Variants in MBIP observed in about 807,000 individuals in gnomAD.
MBIP encodes the protein MAP3K12-binding inhibitory protein 1.
MBIP carries 32 observed loss-of-function variants against 45.7 expected under a neutral mutation model. The observed-to-expected ratio is 0.70, with a 90% CI of 0.53 to 0.94. The LOEUF (loss-of-function observed/expected upper bound fraction) is 0.94, where lower values mean the gene tolerates loss of function less well. Among genes scored for constraint, MBIP ranks in the 40% least tolerant of loss-of-function variants. The probability of loss-of-function intolerance (pLI) is 0.00; values close to 1 mark genes in which losing one functional copy is unlikely to be tolerated. For missense variants in MBIP, 381 were observed against 405.5 expected, an observed-to-expected ratio of 0.94 and a Z score of 0.52; for synonymous variants, 145 against 141.0, an observed-to-expected ratio of 1.03 and a Z score of -0.20.
intron 2 of MBIP, among the ~76,000 whole-genome samples, chr14:36,315,223 CAT>C (rs1880496974): frequency 6.6e-6 from 1 of 152,112 alleles, no homozygotes; most frequent in Admixed American, 6.6e-5. Flanking sequence ...TTCTGTCACT[CAT>C]CTTTTATTTT....
intron 2 of MBIP, among the ~76,000 whole-genome samples, chr14:36,315,977 C>T (rs1880544335): frequency 6.6e-6 from 1 of 152,050 alleles, no homozygotes; most frequent in Non-Finnish European, 1.5e-5. Flanking sequence ...ACATTTTACA[C>T]TTTGATTAGA....
rs1880261455 is a variant in MBIP, at chr14:36,312,343, T to C, written c.572-319A>G. Among the ~76,000 whole-genome samples, 4 of 152,130 alleles carry C rather than the reference T, an allele frequency of 2.6e-5. No individual in the cohort carries two copies. The South Asian group carries it at 8.3e-4, about 31-fold the overall frequency. On this transcript the variant is annotated intron_variant, in intron 4 of 8. Coordinates refer to ENST00000416007, the MANE Select transcript of MBIP (RefSeq NM_016586.3). ...GGCCACTGGAGAAAATAATCTACCA[T>C]AGAGTATTTAAATTCTACTTCATCG... is the stretch of plus-strand genomic sequence containing the variant.
At chr14:36,299,352 G>A (rs1469885309) in intron 8 of MBIP, among the ~76,000 whole-genome samples, 162 bp from the exon 9 acceptor site, 1 of 151,618 alleles carries the variant, frequency 6.6e-6, no homozygotes, top group Non-Finnish European at 1.5e-5. Context: ...TATATATGTT[G>A]ACTATATCAT....
intron 8 of MBIP, among the ~76,000 whole-genome samples, chr14:36,299,986 C>T (rs1191007456): frequency 6.6e-6 from 1 of 152,064 alleles, no homozygotes; most frequent in Non-Finnish European, 1.5e-5. Context: ...ATGTTCTAGA[C>T]TTAGTGGTGA....
At chr14:36,320,412 A>G in intron 1 of MBIP, 48 bp downstream of exon 1, 1 of 1,612,468 alleles carries the variant, frequency 6.2e-7, no homozygotes. Flanking sequence ...AATGGCGAGG[A>G]GGGACCGGAT....
chr14:36,300,646 T>C (rs1879485505), intron 8 of MBIP, 139 bp downstream of exon 8: 2 of 562,798 alleles, frequency 3.6e-6, no homozygotes, highest in South Asian at 5.7e-5. Context: ...CTGTATTAGT[T>C]TATACTGCCC....
At position 36,314,640 on chromosome 14, in the gene MBIP, T is replaced by C. The variant is rs114544697; in HGVS notation, c.475-32A>G. On this transcript the variant is annotated intron_variant, in intron 3 of 8. Coordinates refer to ENST00000416007, the MANE Select transcript of MBIP (RefSeq NM_016586.3). ...ACAACAAGTTTTAACAGTGTAAACA[T>C]AAGATTTTTTAAAATAATACCCTCT... The C allele has an allele frequency of 9.0e-4, 1,449 of 1,605,426 alleles. 16 individuals are homozygous for C. In the African/African-American group the frequency reaches 0.017, roughly 19 times the overall value.
chr14:36,314,272 C>T (rs1274292282), intron 4 of MBIP: 2 of 400,440 alleles, frequency 5.0e-6, no homozygotes, highest in Non-Finnish European at 8.9e-6. Context: ...AAATAATCTT[C>T]ACCTGTGATA....
At chr14:36,304,137 G>A (rs1879735731) in intron 7 of MBIP, among the ~76,000 whole-genome samples, 1 of 152,108 alleles carries the variant, frequency 6.6e-6, no homozygotes, top group African/African-American at 2.4e-5. Flanking sequence ...ACGTTCACAC[G>A]CACATGGCCT....
At chr14:36,303,603 T>C (rs1879701295) in intron 7 of MBIP, among the ~76,000 whole-genome samples, 1 of 152,218 alleles carries the variant, frequency 6.6e-6, no homozygotes, top group South Asian at 2.1e-4. Flanking sequence ...TACCATACTA[T>C]AATTTTATGG....
chr14:36,314,900 G>A lies in MBIP; in HGVS notation c.265C>T (p.Leu89Phe). ...ILYLQPFLAK[L>F]QSPIKEENTT... The stretch of plus-strand genomic sequence containing the variant: ...TTCTCCTCTTTAATCGGAGACTGAA[G>A]TTTTGCTAAAAAAGGCTGAGAACAA... Residue 89 changes from leucine (L) to phenylalanine (F), a missense_variant, in exon 3 of 9, where the codon CTT becomes TTT. Physicochemically the swap from Leu to Phe is conservative, Grantham distance 22. Transcript: ENST00000416007. 1 of 1,612,280 alleles carries A rather than the reference G, an allele frequency of 6.2e-7. No individual in the cohort carries two copies. The highest frequency in any genetic ancestry group is 8.5e-7 in the Non-Finnish European group (1 of 1,178,804).
intron 7 of MBIP, among the ~76,000 whole-genome samples, chr14:36,304,794 T>C (rs1879774211): frequency 6.6e-6 from 1 of 152,214 alleles, no homozygotes; most frequent in Admixed American, 6.5e-5. Context: ...GACATCTTTT[T>C]TCCCCATAAA....
rs565248767 is a variant in MBIP at position 36,308,357 on chromosome 14, A to G, written c.791-168T>C. ...TGAAGTCCTTAGGTCGTATTTTTGTATTATACACTATCGGACATATTGTAC... is the reference window on the plus strand; with the variant it reads ...TGAAGTCCTTAGGTCGTATTTTTGTGTTATACACTATCGGACATATTGTAC... On this transcript the variant is annotated intron_variant, in intron 6 of 8. Transcript: ENST00000416007. Among the ~76,000 whole-genome samples the G allele has an allele frequency of 7.9e-5, 12 of 152,338 alleles. No homozygotes were observed. The East Asian group carries it at 2.3e-3, about 29-fold the overall frequency.
intron 8 of MBIP, 64 bp downstream of exon 8, chr14:36,300,721 A>C: frequency 8.1e-7 from 1 of 1,232,060 alleles, no homozygotes. Flanking sequence ...AACTTTTATT[A>C]ATAAGAAAGG....
At chr14:36,308,421 A>G (rs1238525226) in intron 6 of MBIP, among the ~76,000 whole-genome samples, 2 of 152,182 alleles carry the variant, frequency 1.3e-5, no homozygotes, top group African/African-American at 2.4e-5. Context: ...TGCTTCCTAT[A>G]TTCTAGGAGT....
At chr14:36,300,847 T>C (rs200161649) in intron 7 of MBIP, 24 bp from the exon 8 acceptor site, 170 of 1,382,920 alleles carry the variant, frequency 1.2e-4, no homozygotes, top group Non-Finnish European at 1.5e-4. Flanking sequence ...AAAAAGGTAA[T>C]GTTTAGAAAA....
intron 6 of MBIP, 72 bp downstream of exon 6, chr14:36,311,501 G>A: frequency 3.5e-6 from 5 of 1,430,448 alleles, no homozygotes; most frequent in Non-Finnish European, 4.8e-6. Flanking sequence ...AAAATTTGGT[G>A]ACTAAATGAA....
At chr14:36,320,352 T>G in intron 1 of MBIP, 108 bp downstream of exon 1, 1 of 1,524,936 alleles carries the variant, frequency 6.6e-7, no homozygotes, top group Non-Finnish European at 8.9e-7. Flanking sequence ...CGGGACCGCA[T>G]CCCACACCTC....
rs748045639 is a variant in MBIP, at chr14:36,314,553, T to A, written c.530A>T (p.Asn177Ile). The part of the protein sequence containing the change: ...IERKQAEINE[N>I]NVREFCNVID... ...AACATTGCAAAATTCCCTGACGTTG[T>A]TTTCATTGATTTCAGCTTGCTTTCT... Residue 177 changes from asparagine to isoleucine, a missense_variant, in exon 4 of 9, where the codon AAC (asparagine) becomes ATC (isoleucine). Physicochemically the swap from Asn to Ile is moderately radical, Grantham distance 149. Transcript: ENST00000416007. 2.5e-6 allele frequency: 4 copies of A among 1,610,380 alleles called. No homozygotes were observed. The highest frequency in any genetic ancestry group is 3.4e-6 in the Non-Finnish European group (4 of 1,178,802).
Sources: allele counts gnomAD v4.1 joint callset (sites outside exome capture counted in the v4.1 genomes callset), GRCh38; gene constraint gnomAD v4.1.1; transcripts MANE v1.5; gene names NCBI Gene and HGNC (gene_info 2026-07-23, HGNC 2026-07-21).